FAM167A: variants seen among roughly 807,000 people sequenced by gnomAD.
FAM167A encodes the protein family with sequence similarity 167 member A.
Under a neutral mutation model 14.9 loss-of-function variants are expected in FAM167A, and 23 were observed. The ratio of observed to expected loss-of-function variants is 1.55; its 90% CI spans 1.11 to 2.19. The LOEUF is 2.19. Among genes scored for constraint, FAM167A ranks in the 30% most tolerant of loss-of-function variants. FAM167A has a pLI of 0.00. For missense variants in FAM167A, 401 were observed against 281.5 expected (o/e 1.42, Z -3.04); for synonymous variants, 174 against 117.7 (o/e 1.48, Z -3.10).
At chr8:11,465,252 T>C (rs765214941) in intron 1 of FAM167A, among the ~76,000 whole-genome samples, 6 of 152,116 alleles carry the variant, frequency 3.9e-5, no homozygotes, top group Non-Finnish European at 8.8e-5. Flanking sequence ...GCGTGAGTGG[T>C]TTCTGCCCCT....
intron 2 of FAM167A, among the ~76,000 whole-genome samples, chr8:11,431,715 G>T (rs1055010457): frequency 6.6e-6 from 1 of 151,778 alleles, no homozygotes; most frequent in Admixed American, 6.6e-5. Flanking sequence ...GTGGCCGCAG[G>T]TGCTGGGGAA....
upstream of FAM167A, among the ~76,000 whole-genome samples, chr8:11,468,743 G>T (rs140151891): frequency 6.6e-6 from 1 of 152,202 alleles, no homozygotes; most frequent in African/African-American, 2.4e-5. Flanking sequence ...CTACCTCCTG[G>T]CTCCCTGTTT....
Position 11,466,705 on chromosome 8 carries a change from C to A in FAM167A, c.-477G>T, listed in dbSNP as rs1807787611. 1 of 152,456 alleles carries A rather than the reference C, an allele frequency of 6.6e-6. No homozygotes were observed. 9.4% of individuals were successfully genotyped at this position (152,456 alleles called of 1,614,324 possible). Reference sequence around the variant, plus strand: ...TCCTGCGCGGGTCCGCGCTGCCCGGCCTCAGCTCAGGGCTCCCGCCTCGCC... The same window carrying A: ...TCCTGCGCGGGTCCGCGCTGCCCGGACTCAGCTCAGGGCTCCCGCCTCGCC... On this transcript the variant is annotated 5_prime_UTR_variant, in exon 1 of 3. Coordinates refer to ENST00000284486, the MANE Select transcript of FAM167A (RefSeq NM_053279.3).
intron 2 of FAM167A, chr8:11,438,495 A>G (rs1806202235): frequency 2.2e-6 from 1 of 457,244 alleles, no homozygotes; most frequent in Admixed American, 2.3e-5. Flanking sequence ...TTGGCAAGGG[A>G]GAGAAGAGCC....
chr8:11,452,808 C>T (rs530669026), intron 1 of FAM167A, among the ~76,000 whole-genome samples: 1 of 152,330 alleles, frequency 6.6e-6, no homozygotes, highest in Admixed American at 6.5e-5. Context: ...AATGTGCAGG[C>T]ACGTTCCCCA....
rs537013571 is a variant in FAM167A at position 11,457,612 on chromosome 8, C to T, written c.-398+9014G>A. 4.6e-5 allele frequency among the ~76,000 whole-genome samples: 7 copies of T among 152,192 alleles called. No individual in the cohort carries two copies. In the South Asian group the frequency reaches 1.5e-3, roughly 32 times the overall value. ...TGACCCCGGCACTCAGAGCAGTGCC[C>T]GGCACACAGCGGGTGCTCAGGAAAC... is the stretch of plus-strand genomic sequence containing the variant. On this transcript the variant is annotated intron_variant, in intron 1 of 2. Coordinates refer to ENST00000284486, the MANE Select transcript of FAM167A (RefSeq NM_053279.3).
chr8:11,435,617 C>T (rs571629654), intron 2 of FAM167A, among the ~76,000 whole-genome samples: 2 of 152,284 alleles, frequency 1.3e-5, no homozygotes, highest in South Asian at 4.2e-4. Context: ...CCTCTGGGAT[C>T]TCCCACTGCC....
intron 1 of FAM167A, among the ~76,000 whole-genome samples, chr8:11,452,231 G>T (rs991616609): frequency 7.9e-5 from 12 of 152,296 alleles, no homozygotes; most frequent in African/African-American, 2.9e-4. Context: ...TCCATGACAG[G>T]CTATGCTTGA....
chr8:11,462,781 A>G (rs1242542060), intron 1 of FAM167A, among the ~76,000 whole-genome samples: 1 of 151,750 alleles, frequency 6.6e-6, no homozygotes, highest in Non-Finnish European at 1.5e-5. Flanking sequence ...ACTGCCTCGA[A>G]GCAGAAAGCA....
chr8:11,437,623 T>TA (rs971118870), intron 2 of FAM167A, among the ~76,000 whole-genome samples: 2 of 150,368 alleles, frequency 1.3e-5, no homozygotes, highest in African/African-American at 5.0e-5. Flanking sequence ...AGATACCTGT[T>TA]AAAACCCCAA....
At chr8:11,463,563 C>T (rs1807626936) in intron 1 of FAM167A, among the ~76,000 whole-genome samples, 1 of 152,214 alleles carries the variant, frequency 6.6e-6, no homozygotes, top group Non-Finnish European at 1.5e-5. Flanking sequence ...GCACAAGTCA[C>T]TGCCTAGGCT....
intron 1 of FAM167A, among the ~76,000 whole-genome samples, chr8:11,450,912 A>G (rs1044492101): frequency 5.3e-5 from 8 of 152,180 alleles, no homozygotes; most frequent in African/African-American, 1.9e-4. Flanking sequence ...GCAGTGGGAC[A>G]AAGACAGGAA....
At chr8:11,473,476 G>A (rs1024964547) in intron 1 of FAM167A, among the ~76,000 whole-genome samples, 1 of 152,104 alleles carries the variant, frequency 6.6e-6, no homozygotes, top group Admixed American at 6.5e-5. Context: ...TTCAACAACT[G>A]TACCCCGAAG....
chr8:11,468,029 A>G (rs1807839767), upstream of FAM167A, among the ~76,000 whole-genome samples: 1 of 152,060 alleles, frequency 6.6e-6, no homozygotes, highest in Non-Finnish European at 1.5e-5. Flanking sequence ...GTCCCTACCC[A>G]AGCCACCAGC....
chr8:11,422,932 G>C lies in FAM167A; in HGVS notation c.*1441C>G, dbSNP rs1804857966. On this transcript the variant is annotated 3_prime_UTR_variant, in exon 3 of 3. Transcript: ENST00000284486. Reference sequence around the variant, plus strand: ...GGGAGATGTGGGTGGGGGCTGAGGTGGAGAGTAGAGGGGTTGGCAGTGTGC... The same window carrying C: ...GGGAGATGTGGGTGGGGGCTGAGGTCGAGAGTAGAGGGGTTGGCAGTGTGC... 6.6e-6 allele frequency: 1 copy of C among 152,668 alleles called. No homozygotes were observed. Among genetic ancestry groups the C allele is most frequent in the South Asian group, 2.1e-4 (1 of 4,828 alleles). The allele number at this position is 152,668 out of a possible 1,614,324, so 9.5% of individuals were successfully genotyped here.
chr8:11,422,723 T>C lies in FAM167A; in HGVS notation c.*1650A>G, dbSNP rs1407534924. The stretch of plus-strand genomic sequence containing the variant: ...CAAAAGAAAAGCAACCTCTCCCCTA[T>C]GTGGGTCACGATGTGTGGGTGGACA... On this transcript the variant is annotated 3_prime_UTR_variant, in exon 3 of 3. Coordinates refer to ENST00000284486, the MANE Select transcript of FAM167A (RefSeq NM_053279.3). 1 of 152,276 alleles carries C rather than the reference T, an allele frequency of 6.6e-6. No individual in the cohort carries two copies. The highest frequency in any genetic ancestry group is 1.5e-5 in the Non-Finnish European group (1 of 68,062). The allele number at this position is 152,276 out of a possible 1,614,324, so 9.4% of individuals were successfully genotyped here. A position where few individuals can be genotyped will look rare whatever the true frequency, so the allele number is the denominator to read the frequency against.
chr8:11,424,193 C>T lies in FAM167A; in HGVS notation c.*180G>A. The stretch of plus-strand genomic sequence containing the variant: ...GAGCCAGTCACAGAGACACTGGCAT[C>T]CACACCCAGGGCCCCTGGGTGGGAG... On this transcript the variant is annotated 3_prime_UTR_variant, in exon 3 of 3. Transcript: ENST00000284486. 1.4e-6 allele frequency: 1 copy of T among 697,134 alleles called. No homozygotes were observed. Among genetic ancestry groups the T allele is most frequent in the South Asian group, 1.9e-5 (1 of 51,502 alleles). The allele number at this position is 697,134 out of a possible 1,614,324, so 43.2% of individuals were successfully genotyped here. A position where few individuals can be genotyped will look rare whatever the true frequency, so the allele number is the denominator to read the frequency against.
chr8:11,445,613 C>T, intron 1 of FAM167A: 2 of 985,480 alleles, frequency 2.0e-6, no homozygotes, highest in Non-Finnish European at 2.4e-6. Context: ...ATGTGGCCTC[C>T]CCATCTCCAG....
At chr8:11,428,389 C>G (rs1038430941) in intron 2 of FAM167A, among the ~76,000 whole-genome samples, 3 of 152,256 alleles carry the variant, frequency 2.0e-5, no homozygotes, top group African/African-American at 4.8e-5. Flanking sequence ...TTTCCATGGA[C>G]TGGACAAAGG....
Sources: gnomAD v4.1 joint callset for allele counts (sites outside exome capture counted in the v4.1 genomes callset) on GRCh38, gnomAD v4.1.1 for gene constraint, MANE v1.5 for transcripts, NCBI Gene and HGNC (gene_info 2026-07-23, HGNC 2026-07-21) for gene names.